PCDHA2: variants seen among roughly 807,000 people sequenced by gnomAD.
The protein encoded by PCDHA2 is protocadherin alpha-2.
In PCDHA2, 58 loss-of-function variants were observed where a neutral mutation model predicts 66.0. That is an observed-to-expected ratio of 0.88 (90% CI 0.71 to 1.09). The LOEUF (loss-of-function observed/expected upper bound fraction) is 1.09, where lower values mean the gene tolerates loss of function less well. Among genes scored for constraint, PCDHA2 ranks in the 50% least tolerant of loss-of-function variants. The pLI is 0.00. For missense variants in PCDHA2, 1,267 were observed against 1,242.3 expected (o/e 1.02, Z -0.30); for synonymous variants, 634 against 554.0 (o/e 1.14, Z -2.03).
At chr5:140,837,780 G>A (rs1024402142) in intron 1 of PCDHA2, among the ~76,000 whole-genome samples, 3 of 151,682 alleles carry the variant, frequency 2.0e-5, no homozygotes, top group Admixed American at 6.6e-5. Context: ...GGGCTCACAG[G>A]ATCCTCCCAT....
intron 1 of PCDHA2, among the ~76,000 whole-genome samples, chr5:140,903,704 A>G (rs2070513598): frequency 6.6e-6 from 1 of 152,234 alleles, no homozygotes; most frequent in Admixed American, 6.5e-5. Context: ...AAATAGTAAT[A>G]AAATATACAA....
At chr5:140,801,648 C>G (rs782225894) in intron 1 of PCDHA2, 3 of 1,614,038 alleles carry the variant, frequency 1.9e-6, no homozygotes, top group Non-Finnish European at 2.5e-6. Flanking sequence ...GCCTGGCTCT[C>G]GGTTTTCGCT....
chr5:140,996,403 G>A (rs2097725218), intron 3 of PCDHA2, among the ~76,000 whole-genome samples: 2 of 152,216 alleles, frequency 1.3e-5, no homozygotes, highest in South Asian at 4.1e-4. Context: ...AGTTTCAGGT[G>A]GGGCAGGCAG....
intron 1 of PCDHA2, among the ~76,000 whole-genome samples, chr5:140,916,434 C>T (rs1554197442): frequency 1.3e-5 from 2 of 152,184 alleles, no homozygotes; most frequent in Non-Finnish European, 2.9e-5. Context: ...AACCTAAGGC[C>T]CACAGTATAC....
At position 140,808,975 on chromosome 5, in the gene PCDHA2, GGT is replaced by G. The variant is rs782407899; in HGVS notation, c.2388+11625_2388+11626del. On this transcript the variant is annotated intron_variant, in intron 1 of 3. Coordinates refer to ENST00000526136, the MANE Select transcript of PCDHA2 (RefSeq NM_018905.3). ...GCCACGTGGTGGCAAAGGTGCGCGC[GGT>G]GGATGCTGACTCGGGCTACAACGCG... is the stretch of plus-strand genomic sequence containing the variant. The G allele has an allele frequency of 2.5e-6, 4 of 1,613,626 alleles. No individual in the cohort carries two copies. The Admixed American group carries it at 6.7e-5, about 27-fold the overall frequency.
chr5:140,809,250 G>T (rs782209352), intron 1 of PCDHA2: 2 of 1,614,080 alleles, frequency 1.2e-6, no homozygotes, highest in Admixed American at 3.3e-5. Flanking sequence ...GGCGCTGTGG[G>T]TCCCGATGCT....
At chr5:140,822,430 C>T (rs2150116302) in intron 1 of PCDHA2, 2 of 1,613,920 alleles carry the variant, frequency 1.2e-6, no homozygotes, top group Non-Finnish European at 1.7e-6. Flanking sequence ...TGGAGGAAAA[C>T]CCGAACTAAC....
chr5:140,927,290 T>A (rs1563090312), intron 1 of PCDHA2: 2 of 1,614,054 alleles, frequency 1.2e-6, no homozygotes, highest in Admixed American at 1.7e-5. Context: ...CAGCTGCACA[T>A]CCCCGAGTTC....
chr5:140,796,695 G>T lies in PCDHA2; in HGVS notation c.1731G>T (p.Val577=). 1 of 1,613,990 alleles carries T rather than the reference G, an allele frequency of 6.2e-7. No individual in the cohort carries two copies. Among genetic ancestry groups the T allele is most frequent in the Non-Finnish European group, 8.5e-7 (1 of 1,179,908 alleles). Residue 577 remains valine, a synonymous_variant, in exon 1 of 4, where the codon GTG becomes GTT. Transcript: ENST00000526136. ...GGGCTGGCACCGCTGCTGGCGCAGT[G>T]AGTGAGCTGGTGCCGTGGTCGGTGG... ...APRAGTAAGA[V]SELVPWSVGA... is the part of the protein sequence containing the mutation.
intron 1 of PCDHA2, chr5:140,967,766 T>C: frequency 6.2e-7 from 1 of 1,614,218 alleles, no homozygotes; most frequent in Non-Finnish European, 8.5e-7. Flanking sequence ...CTACCAGATC[T>C]ATGTGCAGGC....
At chr5:141,003,543 C>T (rs2098129407) in intron 3 of PCDHA2, among the ~76,000 whole-genome samples, 1 of 152,108 alleles carries the variant, frequency 6.6e-6, no homozygotes, top group Non-Finnish European at 1.5e-5. Context: ...GAACTCCTGG[C>T]TTCAAGTGAT....
rs551770295 is a variant in PCDHA2, at chr5:140,794,863, G to A, written c.-102G>A. 7.0e-6 allele frequency: 9 copies of A among 1,282,764 alleles called. No individual in the cohort carries two copies. The Admixed American group carries it at 1.2e-4, about 17-fold the overall frequency. The allele number at this position is 1,282,764 out of a possible 1,614,324, so 79.5% of individuals were successfully genotyped here. On this transcript the variant is annotated 5_prime_UTR_variant, in exon 1 of 4. Coordinates refer to ENST00000526136, the MANE Select transcript of PCDHA2 (RefSeq NM_018905.3). ...AGAGCCCCTTTGTTACTTCAGAGAA[G>A]CGGAGGAATAAGAGAAGCAGCAGGA...
At chr5:140,943,277 AG>A (rs199866143) in intron 1 of PCDHA2, among the ~76,000 whole-genome samples, 16,429 of 127,604 alleles carry the variant, frequency 0.13, 1,638 homozygotes, top group African/African-American at 0.18. Flanking sequence ...AAAAAAAAAA[AG>A]AAAGAAAGAA....
At chr5:140,857,407 G>A (rs372428918) in intron 1 of PCDHA2, 10 of 1,598,382 alleles carry the variant, frequency 6.3e-6, no homozygotes, top group Non-Finnish European at 8.6e-6. Flanking sequence ...ACGCGCCTGC[G>A]TTCGCGCAGT....
At position 140,843,240 on chromosome 5, in the gene PCDHA2, C is replaced by G. The variant is rs2150355693; in HGVS notation, c.2388+45888C>G. On this transcript the variant is annotated intron_variant, in intron 1 of 3. Coordinates refer to ENST00000526136, the MANE Select transcript of PCDHA2 (RefSeq NM_018905.3). ...AGCACCACTCGTGTCCTGGACGAAG[C>G]GGACTCTCCGCGCCACCGTCTGCTG... The G allele has an allele frequency of 4.4e-6, 7 of 1,595,828 alleles. 1 individual carries two copies. Among genetic ancestry groups the G allele is most frequent in the Non-Finnish European group, 6.0e-6 (7 of 1,165,542 alleles).
intron 1 of PCDHA2, chr5:140,929,486 T>G (rs1258020318): frequency 8.8e-7 from 1 of 1,141,828 alleles, no homozygotes; most frequent in Non-Finnish European, 1.2e-6. Flanking sequence ...TATAGAAGTA[T>G]TAGAAGATTG....
At chr5:140,967,823 G>A in intron 1 of PCDHA2, 2 of 1,614,162 alleles carry the variant, frequency 1.2e-6, no homozygotes, top group Non-Finnish European at 8.5e-7. Context: ...CAAGGTGCTG[G>A]TGGACATCGT....
At chr5:140,920,825 G>A (rs557360536) in intron 1 of PCDHA2, among the ~76,000 whole-genome samples, 12 of 150,152 alleles carry the variant, frequency 8.0e-5, no homozygotes, top group African/African-American at 2.4e-4. Context: ...GCCTGGCGAC[G>A]GAGCAAGACC....
chr5:140,801,110 G>A (rs2149947376), intron 1 of PCDHA2: 1 of 1,511,160 alleles, frequency 6.6e-7, no homozygotes, highest in East Asian at 2.3e-5. Context: ...TAACACCGAG[G>A]AGTTTAAGAA....
Sources: gnomAD v4.1 joint callset for allele counts (sites outside exome capture counted in the v4.1 genomes callset) on GRCh38, gnomAD v4.1.1 for gene constraint, MANE v1.5 for transcripts, NCBI Gene and HGNC (gene_info 2026-07-23, HGNC 2026-07-21) for gene names.